The following PLEKHH2 variants were observed in gnomAD, a reference collection of about 807,000 sequenced individuals.
PLEKHH2 encodes pleckstrin homology domain-containing family H member 2.
A neutral mutation model predicts 187.9 loss-of-function variants in PLEKHH2; 129 were observed. The observed-to-expected ratio is 0.69, with a 90% CI of 0.59 to 0.79. PLEKHH2 has a LOEUF of 0.79. Among genes scored for constraint, PLEKHH2 ranks in the 30% least tolerant of loss-of-function variants. The pLI is 0.00. For missense variants in PLEKHH2, 2,076 were observed against 1,751.2 expected, an observed-to-expected ratio of 1.19 and a Z score of -3.31; for synonymous variants, 686 against 605.6, an observed-to-expected ratio of 1.13 and a Z score of -1.95.
rs540859484 is a variant in PLEKHH2 at position 43,639,846 on chromosome 2, G to A, written c.-4+2467G>A. 1.3e-4 allele frequency among the ~76,000 whole-genome samples: 20 copies of A among 152,014 alleles called. 1 individual carries two copies. The South Asian group carries it at 2.9e-3, about 22-fold the overall frequency. Reference sequence around the variant, plus strand: ...TAATTTTTGTATTTTTAGTAGAGACGGGGTTTTGCCATGTTGGCCAGGCTT... The same window carrying A: ...TAATTTTTGTATTTTTAGTAGAGACAGGGTTTTGCCATGTTGGCCAGGCTT... On this transcript the variant is annotated intron_variant, in intron 1 of 29. Coordinates refer to ENST00000282406, the MANE Select transcript of PLEKHH2 (RefSeq NM_172069.4).
intron 15 of PLEKHH2, among the ~76,000 whole-genome samples, chr2:43,714,669 A>G (rs1670129758): frequency 6.6e-6 from 1 of 152,132 alleles, no homozygotes; most frequent in Non-Finnish European, 1.5e-5. Context: ...CTTAGGAAAA[A>G]CATTTTCTAT....
chr2:43,713,686 G>A (rs977945072), intron 15 of PLEKHH2, among the ~76,000 whole-genome samples: 16 of 147,236 alleles, frequency 1.1e-4, no homozygotes, highest in African/African-American at 3.2e-4. Flanking sequence ...CAATGAGTAA[G>A]TATTGACTTA....
chr2:43,708,310 C>A (rs929730656), intron 11 of PLEKHH2, among the ~76,000 whole-genome samples: 2 of 152,212 alleles, frequency 1.3e-5, no homozygotes, highest in Non-Finnish European at 2.9e-5. Context: ...CGGTCACGTA[C>A]TTGACCTCAT....
rs751101036 is a variant in PLEKHH2 at position 43,740,899 on chromosome 2, T to TCTGA, written c.3124-43_3124-40dup. The TCTGA allele has an allele frequency of 4.4e-6, 7 of 1,600,564 alleles. No homozygotes were observed. In the African/African-American group the frequency reaches 5.4e-5, roughly 12 times the overall value. ...CATTGCACTCACTCAGATGTGGATC[T>TCTGA]CTGACTGGCACGTGGTATCTAACCT... On this transcript the variant is annotated intron_variant, in intron 20 of 29. Coordinates refer to ENST00000282406, the MANE Select transcript of PLEKHH2 (RefSeq NM_172069.4).
In PLEKHH2 at chr2:43,764,365, G is replaced by A. The variant is rs370169278; in HGVS notation, c.4296G>A (p.Lys1432=). 24 of 1,612,404 alleles carry A rather than the reference G, an allele frequency of 1.5e-5. No individual in the cohort carries two copies. Among genetic ancestry groups the A allele is most frequent in the Non-Finnish European group, 1.9e-5 (22 of 1,179,268 alleles). The change falls in exon 29 of 30, where the codon AAG becomes AAA. Residue 1432 remains lysine (K), a splice_region_variant and synonymous_variant. Transcript: ENST00000282406. ...EKLLFAMAKP[K]ILEITLLIAS... ...TACTTTTTGCCATGGCAAAACCCAA[G>A]GTGAGTAGAAGCCTTTCTGCCAACT...
In PLEKHH2 at chr2:43,700,294, GT is replaced by G; in HGVS notation, c.1340del (p.Phe447SerfsTer3). 6.2e-7 allele frequency: 1 copy of G among 1,614,108 alleles called. No homozygotes were observed. Among genetic ancestry groups the G allele is most frequent in the Non-Finnish European group, 8.5e-7 (1 of 1,180,000 alleles). ...LPPPKLRIPN[V>X]FSISVALAKR... The stretch of plus-strand genomic sequence containing the variant: ...ACCCCCAAAGTTAAGGATTCCTAAT[GT>G]TTTCAGTATAAGTGTAGCACTAGCC... On this transcript the variant is annotated frameshift_variant, in exon 8 of 30. Transcript: ENST00000282406. LOFTEE classifies it high-confidence loss of function.
At chr2:43,669,002 G>A (rs759169185) in intron 2 of PLEKHH2, among the ~76,000 whole-genome samples, 2 of 152,166 alleles carry the variant, frequency 1.3e-5, no homozygotes, top group Admixed American at 6.6e-5. Context: ...GTAGGGAATG[G>A]TCAGCTGGTT....
chr2:43,729,814 G>A, intron 18 of PLEKHH2, 69 bp downstream of exon 18: 1 of 1,097,448 alleles, frequency 9.1e-7, no homozygotes, highest in South Asian at 2.0e-5. Context: ...TTAGCCTAAT[G>A]GAGTTTTCAC....
chr2:43,759,970 T>C (rs189840988), intron 27 of PLEKHH2, among the ~76,000 whole-genome samples: 1 of 152,310 alleles, frequency 6.6e-6, no homozygotes, highest in Admixed American at 6.5e-5. Context: ...GAGAATTAAT[T>C]TTTTTCTAGT....
chr2:43,712,459 A>C, intron 15 of PLEKHH2, 76 bp downstream of exon 15: 1 of 1,492,576 alleles, frequency 6.7e-7, no homozygotes, highest in Non-Finnish European at 9.2e-7. Context: ...ATGGGATGTC[A>C]GAGCATATAC....
intron 3 of PLEKHH2, 123 bp downstream of exon 3, chr2:43,679,048 C>T: frequency 3.7e-6 from 2 of 544,594 alleles, no homozygotes; most frequent in Non-Finnish European, 6.4e-6. Context: ...CTGTTCATAG[C>T]TTGATCCATA....
In PLEKHH2 at chr2:43,694,570, A is replaced by G. The variant is rs1369519428; in HGVS notation, c.420+56A>G. ...TACCTTTTACTTCTTTTGAATTGAT[A>G]CATCATCAGAATATGTGATTACTCT... On this transcript the variant is annotated intron_variant, in intron 5 of 29. Transcript: ENST00000282406. 4 of 1,464,414 alleles carry G rather than the reference A, an allele frequency of 2.7e-6. No homozygotes were observed. The East Asian group carries it at 1.0e-4, about 37-fold the overall frequency. 90.7% of individuals were successfully genotyped at this position (1,464,414 alleles called of 1,614,324 possible).
At chr2:43,750,560 A>G (rs992767427) in intron 24 of PLEKHH2, among the ~76,000 whole-genome samples, 4 of 151,954 alleles carry the variant, frequency 2.6e-5, no homozygotes, top group Non-Finnish European at 5.9e-5. Context: ...TCCTACTACT[A>G]CTAACCCTCA....
At chr2:43,745,363 C>G (rs537332897) in intron 23 of PLEKHH2, among the ~76,000 whole-genome samples, 1 of 152,090 alleles carries the variant, frequency 6.6e-6, no homozygotes, top group South Asian at 2.1e-4. Flanking sequence ...CACAAGGGAC[C>G]TTAGAGAAAT....
intron 2 of PLEKHH2, among the ~76,000 whole-genome samples, chr2:43,646,049 A>G (rs1382669142): frequency 6.6e-6 from 1 of 152,156 alleles, no homozygotes; most frequent in Non-Finnish European, 1.5e-5. Flanking sequence ...TTGGGCTTTA[A>G]CATCTTTTAG....
At chr2:43,758,327 G>A (rs1672295483) in intron 26 of PLEKHH2, among the ~76,000 whole-genome samples, 3 of 152,078 alleles carry the variant, frequency 2.0e-5, no homozygotes, top group South Asian at 4.2e-4. Flanking sequence ...ATCTCGGCTC[G>A]CTGCAACCTC....
intron 9 of PLEKHH2, 29 bp downstream of exon 9, chr2:43,704,085 A>G (rs1279826454): frequency 6.7e-7 from 1 of 1,483,748 alleles, no homozygotes; most frequent in African/African-American, 1.4e-5. Flanking sequence ...TGCCACCTGG[A>G]TGAACCTTGA....
chr2:43,725,993 C>T (rs1045183451), intron 16 of PLEKHH2, among the ~76,000 whole-genome samples: 8 of 151,100 alleles, frequency 5.3e-5, no homozygotes, highest in Admixed American at 2.6e-4. Flanking sequence ...TGGCATGTGC[C>T]TGTAGTGCTA....
rs201780049 is a variant in PLEKHH2 at position 43,712,339 on chromosome 2, C to T, written c.2416C>T (p.Leu806=). The part of the protein sequence containing the change: ...LRVQAANPLS[L]QPEGKPTMKG... The stretch of plus-strand genomic sequence containing the variant: ...AGTACAAGCTGCCAACCCACTTTCC[C>T]TGCAGCCTGAGGGCAAACCCACCAT... Residue 806 remains leucine (L), a synonymous_variant, in exon 15 of 30, where the codon CTG becomes TTG. Transcript: ENST00000282406. 2.5e-5 allele frequency: 41 copies of T among 1,614,198 alleles called. No homozygotes were observed. Among genetic ancestry groups the T allele is most frequent in the Non-Finnish European group, 3.2e-5 (38 of 1,180,036 alleles).
Sources: gnomAD v4.1 joint callset for allele counts (sites outside exome capture counted in the v4.1 genomes callset) on GRCh38, gnomAD v4.1.1 for gene constraint, MANE v1.5 for transcripts, NCBI Gene and HGNC (gene_info 2026-07-23, HGNC 2026-07-21) for gene names.